ANKRD27: variants seen among roughly 807,000 people sequenced by gnomAD.
The protein encoded by ANKRD27 is ankyrin repeat domain 27.
In ANKRD27, 112 loss-of-function variants were observed where a neutral mutation model predicts 129.7. The ratio of observed to expected loss-of-function variants is 0.86; its 90% CI spans 0.74 to 1.01. The LOEUF (loss-of-function observed/expected upper bound fraction) is 1.01, where lower values mean the gene tolerates loss of function less well. Among genes scored for constraint, ANKRD27 ranks in the 50% least tolerant of loss-of-function variants. ANKRD27 has a pLI of 0.00. For synonymous variants in ANKRD27, 516 were observed against 511.2 expected (o/e 1.01, Z -0.13); for missense variants, 1,258 against 1,300.5 (o/e 0.97, Z 0.50).
At chr19:32,638,959 C>T (rs539164966) in intron 12 of ANKRD27, 202 of 328,224 alleles carry the variant, frequency 6.2e-4, no homozygotes, top group Non-Finnish European at 9.0e-4. Flanking sequence ...CCGAACAAAA[C>T]TCAGGCAAAG....
intron 16 of ANKRD27, 134 bp from the exon 17 acceptor site, chr19:32,626,100 A>C (rs1972086482): frequency 3.4e-6 from 2 of 586,448 alleles, no homozygotes; most frequent in Admixed American, 3.8e-5. Flanking sequence ...TTAAACCAAC[A>C]CCCATCATTC....
intron 1 of ANKRD27, among the ~76,000 whole-genome samples, chr19:32,669,073 C>A (rs1429294003): frequency 6.6e-6 from 1 of 152,168 alleles, no homozygotes; most frequent in Non-Finnish European, 1.5e-5. Flanking sequence ...CAGCCTCTCA[C>A]AGCGCTGGGA....
Position 32,665,266 on chromosome 19 carries a change from T to C in ANKRD27, c.-30-6221A>G, listed in dbSNP as rs182075478. On this transcript the variant is annotated intron_variant, in intron 1 of 28. Transcript: ENST00000306065. ...ATGAAAAATCCTATTAGGATTTTTA[T>C]TGGACCCGCACTAAATTCATGAATT... 4.0e-3 allele frequency among the ~76,000 whole-genome samples: 596 copies of C among 150,848 alleles called. 1 individual carries two copies. Among genetic ancestry groups the C allele is most frequent in the African/African-American group, 0.014 (580 of 41,230 alleles).
intron 23 of ANKRD27, 109 bp from the exon 24 acceptor site, chr19:32,606,063 G>A: frequency 9.9e-7 from 1 of 1,011,316 alleles, no homozygotes; most frequent in East Asian, 3.7e-5. Context: ...AGAAAACAAA[G>A]TTTCTGGAGA....
chr19:32,631,626 T>A, intron 12 of ANKRD27, 132 bp from the exon 13 acceptor site: 2 of 709,328 alleles, frequency 2.8e-6, no homozygotes. Context: ...ATATGGGACC[T>A]GCTCACTGAG....
chr19:32,631,336 T>G, intron 13 of ANKRD27, 66 bp downstream of exon 13: 1 of 1,442,986 alleles, frequency 6.9e-7, no homozygotes, highest in South Asian at 1.1e-5. Flanking sequence ...ATGGATTTTA[T>G]AGAGGCACCA....
chr19:32,639,302 T>G, intron 12 of ANKRD27, 54 bp downstream of exon 12: 1 of 1,611,320 alleles, frequency 6.2e-7, no homozygotes, highest in Non-Finnish European at 8.5e-7. Context: ...CAGCACCCTA[T>G]CAAGGGAACC....
chr19:32,619,638 C>T lies in ANKRD27; in HGVS notation c.1828-85G>A, dbSNP rs1568402072. On this transcript the variant is annotated intron_variant, in intron 18 of 28. Transcript: ENST00000306065. ...TGCCATCACCCACACGCCCCACTGCCGGCCTAGCTCCTCGGAATGTCAGTG... is the reference window on the plus strand; with the variant it reads ...TGCCATCACCCACACGCCCCACTGCTGGCCTAGCTCCTCGGAATGTCAGTG... 7.3e-6 allele frequency: 11 copies of T among 1,506,342 alleles called. No homozygotes were observed. The East Asian group carries it at 9.0e-5, about 12-fold the overall frequency. The allele number at this position is 1,506,342 out of a possible 1,614,324, so 93.3% of individuals were successfully genotyped here. A position where few individuals can be genotyped will look rare whatever the true frequency, so the allele number is the denominator to read the frequency against.
chr19:32,609,317 G>A (rs1275760601), intron 22 of ANKRD27, among the ~76,000 whole-genome samples: 1 of 149,506 alleles, frequency 6.7e-6, no homozygotes, highest in African/African-American at 2.6e-5. Context: ...ACAAAGGCCT[G>A]TAACTCCTAG....
intron 20 of ANKRD27, among the ~76,000 whole-genome samples, chr19:32,618,364 A>C (rs8101920): frequency 0.53 from 79,169 of 148,934 alleles, 21,525 homozygotes; most frequent in Non-Finnish European, 0.57. Flanking sequence ...CTTTGGAGGC[A>C]ATCCCCAGGA....
At chr19:32,659,445 T>C (rs1299478270) in intron 1 of ANKRD27, among the ~76,000 whole-genome samples, 1 of 152,160 alleles carries the variant, frequency 6.6e-6, no homozygotes, top group African/African-American at 2.4e-5. Context: ...TGCCATTTTT[T>C]TCTCCCACAG....
At chr19:32,623,313 A>T (rs757159940) in intron 17 of ANKRD27, among the ~76,000 whole-genome samples, 1 of 152,130 alleles carries the variant, frequency 6.6e-6, no homozygotes, top group African/African-American at 2.4e-5. Context: ...GGTGGCTCAC[A>T]CTGGGCCTGA....
chr19:32,673,975 A>T (rs1208587139), intron 1 of ANKRD27, among the ~76,000 whole-genome samples: 2 of 146,764 alleles, frequency 1.4e-5, no homozygotes, highest in Admixed American at 1.4e-4. Flanking sequence ...GCTAGACTCC[A>T]TCTCTACAAA....
At chr19:32,622,127 C>G (rs766808879) in intron 18 of ANKRD27, among the ~76,000 whole-genome samples, 3 of 152,186 alleles carry the variant, frequency 2.0e-5, no homozygotes, top group Non-Finnish European at 4.4e-5. Flanking sequence ...CCTGCCCCTG[C>G]GGAGCCTCGT....
chr19:32,618,393 CTATGACTG>C (rs11277085), intron 20 of ANKRD27, among the ~76,000 whole-genome samples: 75,395 of 141,954 alleles, frequency 0.53, 20,422 homozygotes, highest in Non-Finnish European at 0.57. Context: ...TTGCAGGGAG[CTATGACTG>C]TACCACTGCA....
chr19:32,604,895 T>TA (rs59062300), intron 24 of ANKRD27, among the ~76,000 whole-genome samples: 22,249 of 149,562 alleles, frequency 0.15, 2,182 homozygotes, highest in East Asian at 0.34. Context: ...CCATCTCTAC[T>TA]AAAAAAAAAC....
intron 17 of ANKRD27, among the ~76,000 whole-genome samples, chr19:32,623,669 C>T (rs1972047901): frequency 6.6e-6 from 1 of 152,028 alleles, no homozygotes; most frequent in African/African-American, 2.4e-5. Context: ...CCACCTCAAC[C>T]TCCTGAGTAG....
intron 1 of ANKRD27, among the ~76,000 whole-genome samples, chr19:32,669,869 C>T (rs530569312): frequency 2.6e-5 from 4 of 151,874 alleles, no homozygotes; most frequent in Admixed American, 2.6e-4. Flanking sequence ...TGGTGATGGG[C>T]ACCTGTAGTC....
chr19:32,619,756 C>T (rs1286092399), intron 18 of ANKRD27, among the ~76,000 whole-genome samples: 3 of 152,174 alleles, frequency 2.0e-5, no homozygotes, highest in Non-Finnish European at 2.9e-5. Flanking sequence ...ACGATCACCC[C>T]GAAGTCGGGG....
Sources: allele counts gnomAD v4.1 joint callset (sites outside exome capture counted in the v4.1 genomes callset), GRCh38; gene constraint gnomAD v4.1.1; transcripts MANE v1.5; gene names NCBI Gene and HGNC (gene_info 2026-07-23, HGNC 2026-07-21).